Variants in TRIM2 observed in about 807,000 individuals in gnomAD.
TRIM2 encodes tripartite motif-containing protein 2.
Under a neutral mutation model 75.2 loss-of-function variants are expected in TRIM2, and 20 were observed. That is an observed-to-expected ratio of 0.27 (90% CI 0.19 to 0.39). The LOEUF (loss-of-function observed/expected upper bound fraction) is 0.39. Ranked by LOEUF, TRIM2 falls within the 10% of genes least tolerant of loss-of-function variation. The pLI, the probability that TRIM2 is intolerant of heterozygous loss-of-function variation, is 1.00. For synonymous variants in TRIM2, 373 were observed against 388.3 expected (o/e 0.96, Z 0.46); for missense variants, 660 against 990.8 (o/e 0.67, Z 4.48).
At chr4:153,230,474 C>T (rs1743328085) in intron 1 of TRIM2, among the ~76,000 whole-genome samples, 1 of 152,226 alleles carries the variant, frequency 6.6e-6, no homozygotes, top group Non-Finnish European at 1.5e-5. Flanking sequence ...TGAGCCACTG[C>T]ACCCAGCCCA....
Position 153,336,121 on chromosome 4 carries a change from T to C in TRIM2, c.*1155T>C. On this transcript the variant is annotated 3_prime_UTR_variant, in exon 12 of 12. Transcript: ENST00000338700. ...TTAGGGTAAGATAGAATGTATTATA[T>C]ATATATATATATACACACACACATA... 1 of 970,524 alleles carries C rather than the reference T, an allele frequency of 1.0e-6. No homozygotes were observed. Among genetic ancestry groups the C allele is most frequent in the Non-Finnish European group, 1.2e-6 (1 of 816,782 alleles). The allele number at this position is 970,524 out of a possible 1,614,324, so 60.1% of individuals were successfully genotyped here.
intron 1 of TRIM2, among the ~76,000 whole-genome samples, chr4:153,209,670 C>T (rs1426897293): frequency 2.0e-5 from 3 of 152,088 alleles, no homozygotes; most frequent in African/African-American, 4.8e-5. Flanking sequence ...CTCTAGAAAC[C>T]GTGGGAGACA....
At chr4:153,276,613 CAT>C (rs1003350971) in intron 3 of TRIM2, among the ~76,000 whole-genome samples, 10 of 152,288 alleles carry the variant, frequency 6.6e-5, no homozygotes, top group Admixed American at 5.9e-4. Flanking sequence ...GAATTCCAAA[CAT>C]ATTTCTTGCT....
intron 3 of TRIM2, among the ~76,000 whole-genome samples, chr4:153,284,786 G>T (rs190630848): frequency 6.6e-6 from 1 of 152,034 alleles, no homozygotes. Flanking sequence ...TTTGAATTGC[G>T]TTGTTTATCT....
At chr4:153,175,767 AT>A (rs1444639138) in intron 1 of TRIM2, among the ~76,000 whole-genome samples, 1 of 152,214 alleles carries the variant, frequency 6.6e-6, no homozygotes, top group Admixed American at 6.5e-5. Flanking sequence ...CATTATTGGG[AT>A]AATTGGTGAA....
intron 1 of TRIM2, among the ~76,000 whole-genome samples, chr4:153,209,977 A>G (rs1736509350): frequency 6.6e-6 from 1 of 152,154 alleles, no homozygotes; most frequent in Non-Finnish European, 1.5e-5. Context: ...ATGCACCATA[A>G]ACAGCATTTG....
At chr4:153,200,108 T>G (rs1446456501), upstream of TRIM2, among the ~76,000 whole-genome samples, 1 of 151,942 alleles carries the variant, frequency 6.6e-6, no homozygotes, top group African/African-American at 2.4e-5. Flanking sequence ...GCCCACCTAC[T>G]TTTTGAATTT....
intron 6 of TRIM2, among the ~76,000 whole-genome samples, chr4:153,300,465 TG>T (rs1252421336): frequency 6.6e-6 from 1 of 152,252 alleles, no homozygotes; most frequent in East Asian, 1.9e-4. Context: ...TTTGTGTTTT[TG>T]GTAATAGCCA....
intron 1 of TRIM2, among the ~76,000 whole-genome samples, chr4:153,267,369 G>A (rs1755471165): frequency 6.6e-6 from 1 of 152,188 alleles, no homozygotes; most frequent in Non-Finnish European, 1.5e-5. Flanking sequence ...TATAGAATAA[G>A]AATAATAGTG....
intron 1 of TRIM2, among the ~76,000 whole-genome samples, chr4:153,268,267 C>T (rs1755786682): frequency 6.6e-6 from 1 of 152,178 alleles, no homozygotes; most frequent in Non-Finnish European, 1.5e-5. Flanking sequence ...CTGCATGGCC[C>T]CTAAACCTTA....
chr4:153,250,506 C>A (rs1381321687), intron 1 of TRIM2, among the ~76,000 whole-genome samples: 1 of 152,014 alleles, frequency 6.6e-6, no homozygotes, highest in Non-Finnish European at 1.5e-5. Flanking sequence ...TTGTTAGTAC[C>A]TAGAAAAAAA....
At chr4:153,203,394 TACACACACACACAC>T (rs35049904), upstream of TRIM2, among the ~76,000 whole-genome samples, 6 of 141,380 alleles carry the variant, frequency 4.2e-5, no homozygotes, top group African/African-American at 1.3e-4. Context: ...CCCACATCTC[TACACACACACACAC>T]ACACACACAC....
intron 1 of TRIM2, among the ~76,000 whole-genome samples, chr4:153,238,653 T>TA (rs2149830820): frequency 6.6e-6 from 1 of 152,296 alleles, no homozygotes; most frequent in African/African-American, 2.4e-5. Context: ...TTAAGTCTTT[T>TA]AAAGAAGACT....
In TRIM2 at chr4:153,338,729, T is replaced by C. The variant is rs1232649011; in HGVS notation, c.*3763T>C. 5 of 985,696 alleles carry C rather than the reference T, an allele frequency of 5.1e-6. No homozygotes were observed. Among genetic ancestry groups the C allele is most frequent in the African/African-American group, 3.5e-5 (2 of 57,238 alleles). The allele number at this position is 985,696 out of a possible 1,614,324, so 61.1% of individuals were successfully genotyped here. A position where few individuals can be genotyped will look rare whatever the true frequency, so the allele number is the denominator to read the frequency against. On this transcript the variant is annotated 3_prime_UTR_variant, in exon 12 of 12. Transcript: ENST00000338700. ...GATTGGTCTGTTTGTGGAGAATGTA[T>C]GAAAGCTATTAATATTCTAGAATAG...
chr4:153,302,181 T>C (rs1323656925), intron 6 of TRIM2, among the ~76,000 whole-genome samples: 1 of 152,238 alleles, frequency 6.6e-6, no homozygotes, highest in East Asian at 1.9e-4. Flanking sequence ...TACAGATCTT[T>C]TACCTCCTTG....
At position 153,244,404 on chromosome 4, in the gene TRIM2, TC is replaced by T. The variant is rs1222683569; in HGVS notation, c.31-25930del. ...TTCTTCTTCTTCTTCTTCTTCTTCT[TC>T]TTCTTCTTCTTCTTCTTCTTCTTCT... On this transcript the variant is annotated intron_variant, in intron 1 of 11. Coordinates refer to ENST00000338700, the MANE Select transcript of TRIM2 (RefSeq NM_015271.5). Among the ~76,000 whole-genome samples the T allele has an allele frequency of 7.6e-3, 684 of 90,240 alleles. 119 individuals carry two copies. The highest frequency in any genetic ancestry group is 0.037 in the African/African-American group (511 of 13,904). 59.2% of individuals were successfully genotyped at this position (90,240 alleles called of 152,430 possible).
chr4:153,272,199 A>G (rs1410045047), intron 2 of TRIM2, among the ~76,000 whole-genome samples: 1 of 151,628 alleles, frequency 6.6e-6, no homozygotes, highest in Non-Finnish European at 1.5e-5. Flanking sequence ...CCCAGGCTGG[A>G]GTGCAGTGGC....
At chr4:153,200,724 A>AAAAT (rs1405991305), upstream of TRIM2, among the ~76,000 whole-genome samples, 1,587 of 138,036 alleles carry the variant, frequency 0.011, 17 homozygotes, top group African/African-American at 0.033. Flanking sequence ...AAGAAAAAAA[A>AAAAT]ATATATATAT....
Position 153,232,367 on chromosome 4 carries a change from C to T in TRIM2, c.30+27807C>T, listed in dbSNP as rs945410616. Among the ~76,000 whole-genome samples the T allele has an allele frequency of 1.1e-3, 164 of 152,220 alleles. 1 individual carries two copies. The highest frequency in any genetic ancestry group is 5.3e-4 in the African/African-American group (22 of 41,530). ...TACAAAAATTAGCTGGTCGTGGTGG[C>T]GCACGCCTGTAGTCCCAGCTACTTG... is the stretch of plus-strand genomic sequence containing the variant. On this transcript the variant is annotated intron_variant, in intron 1 of 11. Coordinates refer to ENST00000338700, the MANE Select transcript of TRIM2 (RefSeq NM_015271.5).
Sources: allele counts gnomAD v4.1 joint callset (sites outside exome capture counted in the v4.1 genomes callset), GRCh38; gene constraint gnomAD v4.1.1; transcripts MANE v1.5; gene names NCBI Gene and HGNC (gene_info 2026-07-23, HGNC 2026-07-21).